Variants in ERF observed in about 807,000 individuals in gnomAD.
The protein encoded by ERF is ETS2 repressor factor.
Under a neutral mutation model 41.6 loss-of-function variants are expected in ERF, and 10 were observed. The ratio of observed to expected loss-of-function variants is 0.24; its 90% CI spans 0.15 to 0.41. The LOEUF is 0.41. ERF is among the 10% of genes least tolerant of loss of function. ERF has a pLI of 1.00. For missense variants in ERF, 621 were observed against 763.2 expected, an observed-to-expected ratio of 0.81 and a Z score of 2.19; for synonymous variants, 395 against 342.4, an observed-to-expected ratio of 1.15 and a Z score of -1.70.
At chr19:42,251,358 G>C (rs1203981172) in intron 1 of ERF, 1 of 979,144 alleles carries the variant, frequency 1.0e-6, no homozygotes, top group African/African-American at 1.8e-5. Flanking sequence ...CTCCTTCCCT[G>C]CCCACCTGCC....
chr19:42,252,980 G>A (rs570469921), intron 1 of ERF, among the ~76,000 whole-genome samples: 1 of 152,292 alleles, frequency 6.6e-6, no homozygotes, highest in South Asian at 2.1e-4. Context: ...AGGAGACTGC[G>A]AGACAGAGTG....
At chr19:42,252,990 G>A (rs752369256) in intron 1 of ERF, among the ~76,000 whole-genome samples, 2 of 152,170 alleles carry the variant, frequency 1.3e-5, no homozygotes, top group Non-Finnish European at 2.9e-5. Flanking sequence ...GAGACAGAGT[G>A]CAGAAGTGGC....
chr19:42,251,147 C>T, intron 1 of ERF: 1 of 911,850 alleles, frequency 1.1e-6, no homozygotes, highest in South Asian at 5.1e-5. Context: ...CTTGCACACA[C>T]AGAGGCTTCT....
In ERF at chr19:42,249,075, T is replaced by G. The variant is rs762060326; in HGVS notation, c.1037A>C (p.Asp346Ala). The stretch of plus-strand genomic sequence containing the variant: ...TGCCATGGGCGGCAGCGGGCACTTG[T>G]CAGGGCGCTGGGGCTGGGGCACCAC... Reference protein sequence around the residue: ...GLVVPQPQRPDKCPLPPMAPE... With the variant: ...GLVVPQPQRPAKCPLPPMAPE... Residue 346 changes from aspartate to alanine, a missense_variant, in exon 4 of 4, where the codon GAC becomes GCC. Transcript: ENST00000222329. This position sits in a 1 kb window ranked among gnomAD's most constrained non-coding sequence, Gnocchi z 8.6. 6.2e-7 allele frequency: 1 copy of G among 1,613,282 alleles called. No homozygotes were observed. The highest frequency in any genetic ancestry group is 1.7e-5 in the Admixed American group (1 of 59,966).
At chr19:42,251,185 T>A in intron 1 of ERF, 1 of 980,006 alleles carries the variant, frequency 1.0e-6, no homozygotes, top group Non-Finnish European at 1.2e-6. Context: ...AAACCCAGAC[T>A]GTCTGAGAGG....
At chr19:42,253,794 A>AATGGGGTGGGG (rs905372218) in intron 1 of ERF, 62 of 727,358 alleles carry the variant, frequency 8.5e-5, no homozygotes, top group Admixed American at 8.1e-4. Context: ...ATGGGGTGGG[A>AATGGGGTGGGG]ATGGGGTGGG....
In ERF at chr19:42,248,806, C is replaced by CCGACT; in HGVS notation, c.1301_1305dup (p.Glu436SerfsTer5). On this transcript the variant is annotated frameshift_variant, in exon 4 of 4. Coordinates refer to ENST00000222329, the MANE Select transcript of ERF (RefSeq NM_006494.4). LOFTEE classifies it high-confidence loss of function. The surrounding 1 kb of genome is among the most constrained non-coding windows in gnomAD (Gnocchi z 4.2). ...CTGATGTCAGTCACCTCTACCTCCTCCGACTCGCCTTCCGAGATGGGCTCC... is the reference window on the plus strand; with the variant it reads ...CTGATGTCAGTCACCTCTACCTCCTCCGACTCGACTCGCCTTCCGAGATGGGCTCC... 6.2e-7 allele frequency: 1 copy of CCGACT among 1,613,396 alleles called. No individual in the cohort carries two copies.
At chr19:42,252,667 CCA>C (rs2036463439) in intron 1 of ERF, among the ~76,000 whole-genome samples, 1 of 152,094 alleles carries the variant, frequency 6.6e-6, no homozygotes, top group Admixed American at 6.5e-5. Context: ...ACTCCCAAGC[CCA>C]CCACAACGGC....
In ERF at chr19:42,250,076, G is replaced by T; in HGVS notation, c.258-134C>A. The T allele has an allele frequency of 1.1e-6, 1 of 912,612 alleles. No homozygotes were observed. Among genetic ancestry groups the T allele is most frequent in the Non-Finnish European group, 1.8e-6 (1 of 568,162 alleles). 56.5% of individuals were successfully genotyped at this position (912,612 alleles called of 1,614,324 possible). On this transcript the variant is annotated intron_variant, in intron 2 of 3. Transcript: ENST00000222329. The surrounding 1 kb of genome is among the most constrained non-coding windows in gnomAD (Gnocchi z 5.1). ...GTAGGCCACAAAAGACAAATCAAGT[G>T]CCCAGAGGGTGGGTACCAGCTCTCT...
Position 42,248,698 on chromosome 19 carries a change from G to A in ERF, c.1414C>T (p.Pro472Ser), listed in dbSNP as rs745620257. ...AGGGGCATGCACTGGGATGCCCCGGGTGCCTCGCCGGGCTCAGGCTTAGGG... is the reference window on the plus strand; with the variant it reads ...AGGGGCATGCACTGGGATGCCCCGGATGCCTCGCCGGGCTCAGGCTTAGGG... The part of the protein sequence containing the change: ...APPKPEPGEA[P>S]GASQCMPLKL... Residue 472 changes from proline (P) to serine (S), a missense_variant, in exon 4 of 4, where the codon CCC becomes TCC. Pro to Ser is a moderately conservative substitution (Grantham distance 74, BLOSUM62 -1). This residue lies in a region of ERF where 569 missense variants were observed against 625.5 expected (regional missense o/e 0.91). Transcript: ENST00000222329. The surrounding 1 kb of genome is among the most constrained non-coding windows in gnomAD (Gnocchi z 4.2). 26 of 1,611,400 alleles carry A rather than the reference G, an allele frequency of 1.6e-5. No homozygotes were observed. The South Asian group carries it at 2.1e-4, about 13-fold the overall frequency.
Position 42,249,680 on chromosome 19 carries a change from G to C in ERF, c.432C>G (p.Phe144Leu). 1 of 1,600,946 alleles carries C rather than the reference G, an allele frequency of 6.2e-7. No individual in the cohort carries two copies. The highest frequency in any genetic ancestry group is 1.1e-5 in the South Asian group (1 of 89,260). ...PVPSGGSHFR[F>L]PPSTPSEVLS... Reference sequence around the variant, plus strand: ...GCACCTCGGAGGGCGTTGAGGGAGGGAAGCGGAAGTGGCTACCACCCGACG... The same window carrying C: ...GCACCTCGGAGGGCGTTGAGGGAGGCAAGCGGAAGTGGCTACCACCCGACG... The change falls in exon 4 of 4, where the codon TTC (phenylalanine) becomes TTG (leucine). Residue 144 changes from phenylalanine (F) to leucine (L), a missense_variant. Coordinates refer to ENST00000222329, the MANE Select transcript of ERF (RefSeq NM_006494.4). The surrounding 1 kb of genome is among the most constrained non-coding windows in gnomAD (Gnocchi z 8.6).
At position 42,249,383 on chromosome 19, in the gene ERF, T is replaced by C. The variant is rs2036400677; in HGVS notation, c.729A>G (p.Glu243=). The C allele has an allele frequency of 6.4e-7, 1 of 1,573,376 alleles. No individual in the cohort carries two copies. The highest frequency in any genetic ancestry group is 8.6e-7 in the Non-Finnish European group (1 of 1,160,284). Reference sequence around the variant, plus strand: ...GCGACACAGGGAAGGGGCTGAGGGGTTCAGGGCCACCCCGAGGCCGGGGAT... The same window carrying C: ...GCGACACAGGGAAGGGGCTGAGGGGCTCAGGGCCACCCCGAGGCCGGGGAT... The part of the protein sequence containing the change: ...RVYPRPRGGP[E]PLSPFPVSPL... The change falls in exon 4 of 4, where the codon GAA becomes GAG. Residue 243 remains glutamate, a synonymous_variant. Coordinates refer to ENST00000222329, the MANE Select transcript of ERF (RefSeq NM_006494.4). This position sits in a 1 kb window ranked among gnomAD's most constrained non-coding sequence, Gnocchi z 8.6.
intron 1 of ERF, among the ~76,000 whole-genome samples, chr19:42,251,050 A>AC (rs2036436755): frequency 6.7e-6 from 1 of 149,794 alleles, no homozygotes; most frequent in Admixed American, 6.6e-5. Flanking sequence ...CCTACTCCCA[A>AC]CCCCAAGACC....
chr19:42,253,217 TG>T (rs1298054653), intron 1 of ERF, among the ~76,000 whole-genome samples: 1 of 151,960 alleles, frequency 6.6e-6, no homozygotes, highest in African/African-American at 2.4e-5. Flanking sequence ...GCCGGCCTCC[TG>T]GGGGGCCCCA....
chr19:42,254,809 C>T (rs1229548455), intron 1 of ERF, among the ~76,000 whole-genome samples, 169 bp downstream of exon 1: 9 of 152,186 alleles, frequency 5.9e-5, no homozygotes, highest in Admixed American at 5.9e-4. Context: ...GGGTCCCAGG[C>T]AGCAACCCCG....
In ERF at chr19:42,248,319, A is replaced by G; in HGVS notation, c.*146T>C. ...CCACCATTTTTAAAAAAAAGAAATT[A>G]AAGTTTTATACAAAATGTGGGGAGG... is the stretch of plus-strand genomic sequence containing the variant. On this transcript the variant is annotated 3_prime_UTR_variant, in exon 4 of 4. Coordinates refer to ENST00000222329, the MANE Select transcript of ERF (RefSeq NM_006494.4). The surrounding 1 kb of genome is among the most constrained non-coding windows in gnomAD (Gnocchi z 4.2). The G allele has an allele frequency of 1.6e-6, 1 of 626,290 alleles. No individual in the cohort carries two copies. Among genetic ancestry groups the G allele is most frequent in the Non-Finnish European group, 2.3e-6 (1 of 436,434 alleles). The allele number at this position is 626,290 out of a possible 1,614,324, so 38.8% of individuals were successfully genotyped here. A position where few individuals can be genotyped will look rare whatever the true frequency, so the allele number is the denominator to read the frequency against.
rs776977688 is a variant in ERF, at chr19:42,250,423, G to A, written c.165C>T (p.Phe55=). The change falls in exon 2 of 4, where the codon TTC becomes TTT. Residue 55 remains phenylalanine, a synonymous_variant. Transcript: ENST00000222329. This position sits in a 1 kb window ranked among gnomAD's most constrained non-coding sequence, Gnocchi z 5.1. Reference sequence around the variant, plus strand: ...CCACCTCATCAGGGTCTTTGATGACGAATTCCCCGTAGTCCCCCTGCCAGG... The same window carrying A: ...CCACCTCATCAGGGTCTTTGATGACAAATTCCCCGTAGTCCCCCTGCCAGG... The part of the protein sequence containing the change: ...VIAWQGDYGE[F]VIKDPDEVAR... 11 of 1,613,576 alleles carry A rather than the reference G, an allele frequency of 6.8e-6. No homozygotes were observed. The highest frequency in any genetic ancestry group is 9.3e-6 in the Non-Finnish European group (11 of 1,180,044).
chr19:42,254,923 C>G (rs898459558), intron 1 of ERF, 55 bp downstream of exon 1: 63 of 1,511,766 alleles, frequency 4.2e-5, no homozygotes, highest in Non-Finnish European at 5.5e-5. Context: ...AAAGTTTCTC[C>G]GTTCGGTTTC....
intron 1 of ERF, among the ~76,000 whole-genome samples, chr19:42,253,615 G>C (rs1012874023): frequency 3.3e-5 from 5 of 151,988 alleles, no homozygotes; most frequent in African/African-American, 1.2e-4. Context: ...AGTGGAAGCC[G>C]GGGGAGTGTG....
Sources: gnomAD v4.1 joint callset for allele counts (sites outside exome capture counted in the v4.1 genomes callset) on GRCh38, gnomAD v4.1.1 for gene constraint, gnomAD v4.1.1 regional missense constraint, Gnocchi (gnomAD v3.1) non-coding constraint, MANE v1.5 for transcripts, NCBI Gene and HGNC (gene_info 2026-07-23, HGNC 2026-07-21) for gene names.